Variants in DPYD observed in about 807,000 individuals in gnomAD.
DPYD encodes dihydropyrimidine dehydrogenase.
DPYD carries 109 observed loss-of-function variants against 116.2 expected under a neutral mutation model. The observed-to-expected ratio is 0.94, with a 90% CI of 0.80 to 1.10. The LOEUF is 1.10. Ranked by LOEUF, DPYD falls within the 50% of genes least tolerant of loss-of-function variation. DPYD has a pLI of 0.00. For synonymous variants in DPYD, 440 were observed against 432.0 expected (o/e 1.02, Z -0.23); for missense variants, 1,302 against 1,254.5 (o/e 1.04, Z -0.57).
chr1:97,450,228 T>C lies in DPYD; in HGVS notation c.1741-5A>G, dbSNP rs775197735. 2.5e-6 allele frequency: 4 copies of C among 1,613,346 alleles called. No homozygotes were observed. Among genetic ancestry groups the C allele is most frequent in the Non-Finnish European group, 3.4e-6 (4 of 1,179,476 alleles). ...GGAAACATTTGTCACAATGTCCTGA[T>C]GAAAGAGTAAAGATATTGAGTCTCC... On this transcript the variant is annotated splice_polypyrimidine_tract_variant and splice_region_variant and intron_variant, in intron 13 of 22. Coordinates refer to ENST00000370192, the MANE Select transcript of DPYD (RefSeq NM_000110.4).
chr1:97,737,126 C>G (rs1664001979), intron 4 of DPYD, among the ~76,000 whole-genome samples: 1 of 152,068 alleles, frequency 6.6e-6, no homozygotes, highest in Non-Finnish European at 1.5e-5. Context: ...TTCCTCCTAA[C>G]TGTAATTCTA....
chr1:97,451,630 A>G (rs1399303037), intron 13 of DPYD, among the ~76,000 whole-genome samples: 1 of 152,140 alleles, frequency 6.6e-6, no homozygotes, highest in Admixed American at 6.6e-5. Context: ...AATGACAAAT[A>G]GAGTTACTCC....
intron 2 of DPYD, among the ~76,000 whole-genome samples, chr1:97,840,532 C>T (rs1381780757): frequency 1.3e-5 from 2 of 152,054 alleles, no homozygotes; most frequent in African/African-American, 4.8e-5. Context: ...CATTTCATCC[C>T]ATTATTTTTT....
At chr1:97,570,029 T>G (rs534053715) in intron 11 of DPYD, among the ~76,000 whole-genome samples, 1 of 152,014 alleles carries the variant, frequency 6.6e-6, no homozygotes, top group Non-Finnish European at 1.5e-5. Flanking sequence ...TACTTATCTT[T>G]TCTATAAGCT....
At chr1:97,777,607 T>C (rs547969337) in intron 3 of DPYD, among the ~76,000 whole-genome samples, 3 of 152,162 alleles carry the variant, frequency 2.0e-5, no homozygotes, top group Non-Finnish European at 4.4e-5. Flanking sequence ...TCTAGTTTTA[T>C]TTTTTCAGCC....
At chr1:97,391,467 T>C (rs1347561882) in intron 14 of DPYD, among the ~76,000 whole-genome samples, 1 of 151,988 alleles carries the variant, frequency 6.6e-6, no homozygotes, top group Non-Finnish European at 1.5e-5. Context: ...TGAAATTACC[T>C]AGAGAGTTAA....
chr1:97,620,656 G>A (rs1483052496), intron 8 of DPYD, among the ~76,000 whole-genome samples: 1 of 152,058 alleles, frequency 6.6e-6, no homozygotes, highest in Non-Finnish European at 1.5e-5. Context: ...ATCTGGACAG[G>A]AATCCACATT....
chr1:97,182,104 C>A (rs1570618844), intron 20 of DPYD, among the ~76,000 whole-genome samples: 1 of 152,084 alleles, frequency 6.6e-6, no homozygotes, highest in East Asian at 1.9e-4. Flanking sequence ...AAGCTTTTGA[C>A]TACAGCACAT....
chr1:97,086,739 A>G (rs1015828), intron 21 of DPYD, among the ~76,000 whole-genome samples: 1 of 97,734 alleles, frequency 1.0e-5, no homozygotes, highest in Admixed American at 1.3e-4. Flanking sequence ...AGTTCTTAAT[A>G]TGAACCATTG....
intron 12 of DPYD, among the ~76,000 whole-genome samples, chr1:97,520,116 T>C (rs1648535818): frequency 6.6e-6 from 1 of 152,188 alleles, no homozygotes; most frequent in Non-Finnish European, 1.5e-5. Flanking sequence ...ACTCAGTTAT[T>C]AATGTTCATA....
intron 2 of DPYD, among the ~76,000 whole-genome samples, chr1:97,859,792 C>T (rs1029105545): frequency 2.6e-5 from 4 of 151,812 alleles, no homozygotes; most frequent in East Asian, 1.9e-4. Flanking sequence ...TAAATACTCA[C>T]GTATTTACTC....
chr1:97,151,245 A>G (rs1304088830), intron 20 of DPYD, among the ~76,000 whole-genome samples: 2 of 152,234 alleles, frequency 1.3e-5, no homozygotes, highest in Non-Finnish European at 2.9e-5. Flanking sequence ...ATATATAGAG[A>G]TTATACAGAT....
At chr1:97,833,282 GA>G (rs538349152) in intron 2 of DPYD, among the ~76,000 whole-genome samples, 7 of 151,198 alleles carry the variant, frequency 4.6e-5, no homozygotes, top group East Asian at 3.9e-4. Flanking sequence ...TTTCAGTGCA[GA>G]AAAAAAAATC....
intron 18 of DPYD, among the ~76,000 whole-genome samples, chr1:97,267,179 T>C (rs1478408577): frequency 6.6e-6 from 1 of 152,190 alleles, no homozygotes; most frequent in African/African-American, 2.4e-5. Context: ...CTCCACATCC[T>C]CTCCAGCATC....
chr1:97,284,587 G>C (rs1327790178), intron 18 of DPYD, among the ~76,000 whole-genome samples: 5 of 151,978 alleles, frequency 3.3e-5, no homozygotes, highest in Non-Finnish European at 7.4e-5. Context: ...TTAATTGCTA[G>C]TCAATTTTTT....
At position 97,679,142 on chromosome 1, in the gene DPYD, A is replaced by T. The variant is rs773983635; in HGVS notation, c.803T>A (p.Leu268His). The change falls in exon 8 of 23, where the codon CTT (leucine) becomes CAT (histidine). Residue 268 changes from leucine (L) to histidine (H), a missense_variant. Leu to His is a moderately conservative substitution (Grantham distance 99). Coordinates refer to ENST00000370192, the MANE Select transcript of DPYD (RefSeq NM_000110.4). ...GKSLSVNEMT[L>H]STLKEKGYKA... ...GTAGCCTTTTTCTTTCAAAGTGCTA[A>T]GAGTCATTTCATTCACTGAAAGGCT... The T allele has an allele frequency of 6.3e-7, 1 of 1,592,582 alleles. No homozygotes were observed.
chr1:97,236,907 T>G lies in DPYD; in HGVS notation c.2300-1913A>C, dbSNP rs1452031954. ...TCTCAATTTTGCTGTGAATCTAAACTGCTCTAAAAAATAAAGTCTAAAACA... is the reference window on the plus strand; with the variant it reads ...TCTCAATTTTGCTGTGAATCTAAACGGCTCTAAAAAATAAAGTCTAAAACA... On this transcript the variant is annotated intron_variant, in intron 18 of 22. Transcript: ENST00000370192. Among the ~76,000 whole-genome samples, 4 of 152,210 alleles carry G rather than the reference T, an allele frequency of 2.6e-5. No homozygotes were observed. In the South Asian group the frequency reaches 6.2e-4, roughly 24 times the overall value.
chr1:97,326,334 A>T (rs1459619796), intron 16 of DPYD, among the ~76,000 whole-genome samples: 1 of 151,960 alleles, frequency 6.6e-6, no homozygotes, highest in African/African-American at 2.4e-5. Context: ...TGGGACATCT[A>T]CCTGAAAGAA....
intron 16 of DPYD, among the ~76,000 whole-genome samples, chr1:97,359,972 T>C (rs1487827415): frequency 6.6e-6 from 1 of 152,082 alleles, no homozygotes; most frequent in Non-Finnish European, 1.5e-5. Flanking sequence ...TAACCTTAAA[T>C]GTAAATGGGC....
Sources: gnomAD v4.1 joint callset for allele counts (sites outside exome capture counted in the v4.1 genomes callset) on GRCh38, gnomAD v4.1.1 for gene constraint, MANE v1.5 for transcripts, NCBI Gene and HGNC (gene_info 2026-07-23, HGNC 2026-07-21) for gene names.